The following GLTP variants were observed in gnomAD, a reference collection of about 807,000 sequenced individuals.
GLTP encodes glycolipid transfer protein.
A neutral mutation model predicts 24.0 loss-of-function variants in GLTP; 22 were observed. The ratio of observed to expected loss-of-function variants is 0.92; its 90% confidence interval spans 0.65 to 1.31. The LOEUF is 1.31. Among genes scored for constraint, GLTP ranks in the 50% most tolerant of loss-of-function variants. GLTP has a pLI of 0.00. For missense variants in GLTP, 224 were observed against 276.6 expected, an observed-to-expected ratio of 0.81 and a Z score of 1.35; for synonymous variants, 92 against 115.9, an observed-to-expected ratio of 0.79 and a Z score of 1.33.
intron 1 of GLTP, among the ~76,000 whole-genome samples, chr12:109,879,688 T>C (rs1381461087): frequency 6.6e-6 from 1 of 152,114 alleles, no homozygotes; most frequent in African/African-American, 2.4e-5. Context: ...AACCCTCTCC[T>C]TGTCCCCGCC....
chr12:109,875,178 T>C (rs114762593), intron 1 of GLTP, among the ~76,000 whole-genome samples: 40 of 152,150 alleles, frequency 2.6e-4, no homozygotes, highest in African/African-American at 9.6e-4. Flanking sequence ...TAGCACCGAG[T>C]GTTACACATT....
rs199673753 is a variant in GLTP at position 109,855,619 on chromosome 12, C to T, written c.447G>A (p.Gln149=). Reference sequence around the variant, plus strand: ...TTTGGGGCTCATGGGGGTGGCTCACCTGGAAGATCTTCTGCACGATCCAGC... The same window carrying T: ...TTTGGGGCTCATGGGGGTGGCTCACTTGGAAGATCTTCTGCACGATCCAGC... The part of the protein sequence containing the change: ...YHGWIVQKIF[Q]AALYAAPYKS... Residue 149 remains glutamine, a splice_region_variant and synonymous_variant, in exon 4 of 5, where the codon CAG becomes CAA. Transcript: ENST00000318348. This position sits in a 1 kb window ranked among gnomAD's most constrained non-coding sequence, Gnocchi z 4.1. The T allele has an allele frequency of 4.5e-6, 7 of 1,541,612 alleles. No homozygotes were observed. In the African/African-American group the frequency reaches 8.4e-5, roughly 18 times the overall value.
At chr12:109,878,614 C>A (rs529468021) in intron 1 of GLTP, among the ~76,000 whole-genome samples, 22 of 151,716 alleles carry the variant, frequency 1.5e-4, no homozygotes, top group African/African-American at 4.4e-4. Flanking sequence ...AAAAAAAAAA[C>A]AACAACAACC....
chr12:109,854,112 C>T (rs1222992267), intron 4 of GLTP, among the ~76,000 whole-genome samples: 1 of 151,022 alleles, frequency 6.6e-6, no homozygotes. Context: ...AATCCCAGCA[C>T]TTTGGGAGGC....
At chr12:109,876,649 A>AAAGGAAGGAAAGAAAGAGG (rs1868892442) in intron 1 of GLTP, among the ~76,000 whole-genome samples, 1 of 148,740 alleles carries the variant, frequency 6.7e-6, no homozygotes, top group African/African-American at 2.5e-5. Flanking sequence ...AGAAAGAAGG[A>AAAGGAAGGAAAGAAAGAGG]AAGGAAGGAA....
At chr12:109,865,491 A>AATT (rs1868497576) in intron 1 of GLTP, among the ~76,000 whole-genome samples, 1 of 152,048 alleles carries the variant, frequency 6.6e-6, no homozygotes, top group South Asian at 2.1e-4. Flanking sequence ...AGCTGGGCAT[A>AATT]ATGGTGCACA....
chr12:109,865,283 C>A (rs182205531), intron 1 of GLTP, among the ~76,000 whole-genome samples: 1 of 152,278 alleles, frequency 6.6e-6, no homozygotes, highest in Admixed American at 6.5e-5. Context: ...AGAAAGGAAG[C>A]TGTCTTTTAA....
intron 1 of GLTP, among the ~76,000 whole-genome samples, chr12:109,861,787 G>A (rs575921932): frequency 4.6e-5 from 7 of 152,244 alleles, no homozygotes; most frequent in East Asian, 1.9e-4. Context: ...CAGAGTGCCC[G>A]GTGAGTGGTG....
In GLTP at chr12:109,880,208, G is replaced by A; in HGVS notation, c.103+64C>T. ...GGGCAGAGATGGTTAGGGGATGCTCGGGGGAAGGAGGATTCGGGTGCGCGT... is the reference window on the plus strand; with the variant it reads ...GGGCAGAGATGGTTAGGGGATGCTCAGGGGAAGGAGGATTCGGGTGCGCGT... On this transcript the variant is annotated intron_variant, in intron 1 of 4. Transcript: ENST00000318348. The surrounding 1 kb of genome is among the most constrained non-coding windows in gnomAD (Gnocchi z 5.1). 2 of 958,728 alleles carry A rather than the reference G, an allele frequency of 2.1e-6. No individual in the cohort carries two copies. Among genetic ancestry groups the A allele is most frequent in the East Asian group, 2.7e-5 (1 of 37,440 alleles). The allele number at this position is 958,728 out of a possible 1,614,324, so 59.4% of individuals were successfully genotyped here.
intron 1 of GLTP, among the ~76,000 whole-genome samples, chr12:109,871,241 C>T (rs1357778756): frequency 1.3e-5 from 2 of 151,952 alleles, no homozygotes; most frequent in Non-Finnish European, 2.9e-5. Flanking sequence ...CGCCACCACA[C>T]CTGGCCAATT....
At chr12:109,858,774 C>A in intron 1 of GLTP, 33 bp from the exon 2 acceptor site, 1 of 1,486,752 alleles carries the variant, frequency 6.7e-7, no homozygotes, top group South Asian at 1.1e-5. Context: ...GATTGAGATT[C>A]GCAGCAAGAG....
chr12:109,857,271 A>T lies in GLTP; in HGVS notation c.296+255T>A, dbSNP rs1478205222. The stretch of plus-strand genomic sequence containing the variant: ...ACTTAACTCACAGAATATGAAACCC[A>T]ATCAGGTGTATAAAGAGCTTAGCAC... On this transcript the variant is annotated intron_variant, in intron 3 of 4. Coordinates refer to ENST00000318348, the MANE Select transcript of GLTP (RefSeq NM_016433.4). This position sits in a 1 kb window ranked among gnomAD's most constrained non-coding sequence, Gnocchi z 4.3. Among the ~76,000 whole-genome samples the T allele has an allele frequency of 6.6e-6, 1 of 152,128 alleles. No individual in the cohort carries two copies. The highest frequency in any genetic ancestry group is 2.4e-5 in the African/African-American group (1 of 41,436).
Position 109,857,829 on chromosome 12 carries a change from T to G in GLTP, c.163-170A>C, listed in dbSNP as rs1420707383. On this transcript the variant is annotated intron_variant, in intron 2 of 4. Transcript: ENST00000318348. This position sits in a 1 kb window ranked among gnomAD's most constrained non-coding sequence, Gnocchi z 4.3. ...CTATGACTGTTCACATGAGCCAGGA[T>G]TTGCAAAATGCTTTACAGGCACTAC... is the stretch of plus-strand genomic sequence containing the variant. The G allele has an allele frequency of 2.9e-6, 2 of 679,752 alleles. No homozygotes were observed. Among genetic ancestry groups the G allele is most frequent in the Non-Finnish European group, 5.1e-6 (2 of 393,314 alleles). 42.1% of individuals were successfully genotyped at this position (679,752 alleles called of 1,614,324 possible). A position where few individuals can be genotyped will look rare whatever the true frequency, so the allele number is the denominator to read the frequency against.
At chr12:109,869,722 G>C (rs1355909941) in intron 1 of GLTP, among the ~76,000 whole-genome samples, 3 of 151,302 alleles carry the variant, frequency 2.0e-5, no homozygotes, top group Admixed American at 6.6e-5. Context: ...GCCTGCCTCG[G>C]CCTCCCAAAG....
intron 1 of GLTP, among the ~76,000 whole-genome samples, chr12:109,877,396 A>G (rs529984487): frequency 6.6e-6 from 1 of 152,308 alleles, no homozygotes; most frequent in African/African-American, 2.4e-5. Context: ...AGAATTAAAT[A>G]CTTTTTAAAA....
At chr12:109,853,780 G>A (rs1476899146) in intron 4 of GLTP, among the ~76,000 whole-genome samples, 1 of 151,320 alleles carries the variant, frequency 6.6e-6, no homozygotes, top group Admixed American at 6.6e-5. Flanking sequence ...GTCTCACTCT[G>A]TCCTCCAGGC....
chr12:109,861,118 G>GC (rs1374513911), intron 1 of GLTP, among the ~76,000 whole-genome samples: 1 of 152,110 alleles, frequency 6.6e-6, no homozygotes, highest in Non-Finnish European at 1.5e-5. Flanking sequence ...CTCAGTGTGG[G>GC]CACCAAGTGA....
In GLTP at chr12:109,880,518, C is replaced by G. The variant is rs1210289770; in HGVS notation, c.-144G>C. 1.1e-5 allele frequency: 2 copies of G among 183,508 alleles called. No individual in the cohort carries two copies. The highest frequency in any genetic ancestry group is 1.6e-4 in the East Asian group (1 of 6,290). 11.4% of individuals were successfully genotyped at this position (183,508 alleles called of 1,614,324 possible). ...GCCAGCGTCGCCACTTCCGCCCGCA[C>G]GGCGCCCTCGTAGCCGAGCGCTCAG... is the stretch of plus-strand genomic sequence containing the variant. On this transcript the variant is annotated 5_prime_UTR_variant, in exon 1 of 5. Coordinates refer to ENST00000318348, the MANE Select transcript of GLTP (RefSeq NM_016433.4). The surrounding 1 kb of genome is among the most constrained non-coding windows in gnomAD (Gnocchi z 5.1).
rs770572843 is a variant in GLTP, at chr12:109,880,332, C to A, written c.43G>T (p.Asp15Tyr). 5 of 1,604,426 alleles carry A rather than the reference C, an allele frequency of 3.1e-6. No homozygotes were observed. ...AAGGGCCCGGTCTCGATCTGCTTGT[C>A]CGCGGGCAGCGGCTTCAGCAAGTGT... ...AEHLLKPLPA[D>Y]KQIETGPFLE... is the part of the protein sequence containing the mutation. The change falls in exon 1 of 5, where the codon GAC (aspartate) becomes TAC (tyrosine). Residue 15 changes from aspartate (D) to tyrosine (Y), a missense_variant. Asp to Tyr is a radical substitution (Grantham distance 160, BLOSUM62 -3). Transcript: ENST00000318348. This position sits in a 1 kb window ranked among gnomAD's most constrained non-coding sequence, Gnocchi z 5.1.
Sources: allele counts gnomAD v4.1 joint callset (sites outside exome capture counted in the v4.1 genomes callset), GRCh38; gene constraint gnomAD v4.1.1; non-coding constraint Gnocchi (gnomAD v3.1); transcripts MANE v1.5; gene names NCBI Gene and HGNC (gene_info 2026-07-23, HGNC 2026-07-21).